The following TRPM3 variants were observed in gnomAD, a reference collection of about 807,000 sequenced individuals.
TRPM3 encodes the protein long transient receptor potential channel 3.
In TRPM3, 77 loss-of-function variants were observed where a neutral mutation model predicts 181.2. The ratio of observed to expected loss-of-function variants is 0.42; its 90% CI spans 0.35 to 0.51. The LOEUF is 0.51. Ranked by LOEUF, TRPM3 falls within the 20% of genes least tolerant of loss-of-function variation. The pLI is 0.01. For synonymous variants in TRPM3, 745 were observed against 796.4 expected, an observed-to-expected ratio of 0.94 and a Z score of 1.09; for missense variants, 1,759 against 2,196.7, an observed-to-expected ratio of 0.80 and a Z score of 3.98.
chr9:70,789,898 A>G (rs924530602), intron 6 of TRPM3, among the ~76,000 whole-genome samples: 3 of 152,210 alleles, frequency 2.0e-5, no homozygotes, highest in Non-Finnish European at 2.9e-5. Flanking sequence ...CAATAAAGCT[A>G]AAAGTGTCTA....
chr9:71,031,092 G>T (rs2057238335), intron 1 of TRPM3, among the ~76,000 whole-genome samples: 1 of 152,078 alleles, frequency 6.6e-6, no homozygotes, highest in Admixed American at 6.5e-5. Flanking sequence ...AAGTCACATG[G>T]TCTCACTAAA....
chr9:71,227,559 G>T (rs1310141565), intron 1 of TRPM3, among the ~76,000 whole-genome samples: 3 of 151,796 alleles, frequency 2.0e-5, no homozygotes, highest in African/African-American at 4.8e-5. Flanking sequence ...TGGATTTTTT[G>T]AAAAGATAAA....
At chr9:70,898,762 AAAAAGAAAAG>A (rs995013288) in intron 1 of TRPM3, among the ~76,000 whole-genome samples, 31 of 143,112 alleles carry the variant, frequency 2.2e-4, no homozygotes, top group Admixed American at 4.8e-4. Flanking sequence ...AAAAAAAAAA[AAAAAGAAAAG>A]AAAAGAAAAG....
intron 1 of TRPM3, among the ~76,000 whole-genome samples, chr9:71,153,866 C>CT (rs2075857696): frequency 6.6e-6 from 1 of 152,070 alleles, no homozygotes; most frequent in African/African-American, 2.4e-5. Context: ...GAGCATCTTC[C>CT]TTTTTTTCCT....
At chr9:70,634,748 C>T (rs1295604105) in intron 12 of TRPM3, among the ~76,000 whole-genome samples, 2 of 152,034 alleles carry the variant, frequency 1.3e-5, no homozygotes, top group African/African-American at 4.8e-5. Context: ...GAATGGAATG[C>T]ATATTTATGT....
At chr9:70,637,394 C>A (rs1236200122) in intron 11 of TRPM3, among the ~76,000 whole-genome samples, 1 of 152,086 alleles carries the variant, frequency 6.6e-6, no homozygotes, top group African/African-American at 2.4e-5. Context: ...CGGGAAGCCA[C>A]CACCAGCAGA....
At chr9:71,247,326 C>A (rs866920182) in intron 1 of TRPM3, among the ~76,000 whole-genome samples, 2 of 132,218 alleles carry the variant, frequency 1.5e-5, no homozygotes, top group Non-Finnish European at 3.1e-5. Flanking sequence ...TGCACTCCAG[C>A]CTGGGTGATA....
intron 1 of TRPM3, among the ~76,000 whole-genome samples, chr9:71,398,221 C>T (rs1187634490): frequency 1.3e-5 from 2 of 152,040 alleles, no homozygotes; most frequent in Non-Finnish European, 2.9e-5. Flanking sequence ...TTTTTTAGGC[C>T]AGGGCAATGT....
At chr9:70,741,273 T>C (rs1173824289) in intron 8 of TRPM3, among the ~76,000 whole-genome samples, 1 of 152,150 alleles carries the variant, frequency 6.6e-6, no homozygotes, top group African/African-American at 2.4e-5. Context: ...ACCACCTTAC[T>C]CCTGCCAGAA....
chr9:71,417,301 C>G (rs193121218), intron 1 of TRPM3, among the ~76,000 whole-genome samples: 3 of 152,044 alleles, frequency 2.0e-5, no homozygotes, highest in Admixed American at 2.0e-4. Flanking sequence ...CTTGCCAACA[C>G]CAGCAGTGTC....
At chr9:70,899,349 G>A (rs2096347366) in intron 1 of TRPM3, among the ~76,000 whole-genome samples, 1 of 152,076 alleles carries the variant, frequency 6.6e-6, no homozygotes, top group Non-Finnish European at 1.5e-5. Flanking sequence ...TGATCATATC[G>A]TTCAGCTGCT....
At position 71,421,233 on chromosome 9, in the gene TRPM3, G is replaced by A. The variant is rs74591633; in HGVS notation, c.183+25420C>T. On this transcript the variant is annotated intron_variant, in intron 1 of 24. Coordinates refer to the TRPM3 transcript ENST00000357533. ...CTAGAGGTGGGAAGGAAGGAAGGGG[G>A]TGTGGGTTTAAAAACTATGGGTGCT... is the stretch of plus-strand genomic sequence containing the variant. Among the ~76,000 whole-genome samples, 657 of 151,834 alleles carry A rather than the reference G, an allele frequency of 4.3e-3. 18 individuals are homozygous for A. The East Asian group carries it at 0.087, about 20-fold the overall frequency.
chr9:70,659,632 T>C (rs2060834108), intron 9 of TRPM3, among the ~76,000 whole-genome samples: 1 of 152,196 alleles, frequency 6.6e-6, no homozygotes, highest in Admixed American at 6.5e-5. Context: ...TCAAAAACTA[T>C]AGTATACCTG....
intron 1 of TRPM3, among the ~76,000 whole-genome samples, chr9:71,010,912 G>GACACACACAC (rs59803868): frequency 1.4e-5 from 2 of 139,354 alleles, no homozygotes; most frequent in Admixed American, 7.6e-5. Flanking sequence ...TAAAGAAAAT[G>GACACACACAC]ACACACACAC....
chr9:71,192,099 G>A (rs1197985907), intron 1 of TRPM3, among the ~76,000 whole-genome samples: 24 of 151,778 alleles, frequency 1.6e-4, no homozygotes, highest in African/African-American at 3.9e-4. Context: ...AAATCTTTAC[G>A]TAAATATATT....
chr9:71,230,490 G>T (rs1270230807), intron 1 of TRPM3, among the ~76,000 whole-genome samples: 7 of 151,996 alleles, frequency 4.6e-5, no homozygotes. Context: ...ATAACACAAA[G>T]AATAAATGCT....
chr9:70,788,226 T>G (rs1367379629), intron 6 of TRPM3, among the ~76,000 whole-genome samples: 2 of 138,354 alleles, frequency 1.4e-5, no homozygotes, highest in Non-Finnish European at 3.0e-5. Flanking sequence ...CGTGTTCTCA[T>G]TGTTCAATTC....
intron 1 of TRPM3, among the ~76,000 whole-genome samples, chr9:70,967,677 C>T (rs1016695827): frequency 9.9e-5 from 15 of 152,208 alleles, no homozygotes; most frequent in Admixed American, 9.2e-4. Context: ...TTTGGGACCC[C>T]TCTCCTCTGA....
chr9:71,213,055 A>C (rs886612130), intron 1 of TRPM3, among the ~76,000 whole-genome samples: 2 of 152,226 alleles, frequency 1.3e-5, no homozygotes, highest in Non-Finnish European at 2.9e-5. Context: ...GAATAAATCC[A>C]CAAATCAGGT....
Sources: allele counts gnomAD v4.1 joint callset (sites outside exome capture counted in the v4.1 genomes callset), GRCh38; gene constraint gnomAD v4.1.1; transcripts MANE v1.5; gene names NCBI Gene and HGNC (gene_info 2026-07-23, HGNC 2026-07-21).